Variants in GAS2L3 observed in about 807,000 individuals in gnomAD.
The protein encoded by GAS2L3 is growth arrest specific 2 like 3.
GAS2L3 carries 28 observed loss-of-function variants against 37.0 expected under a neutral mutation model. That is an observed-to-expected ratio of 0.76 (90% confidence interval 0.56 to 1.04). The LOEUF is 1.04. Ranked by LOEUF, GAS2L3 falls within the 50% of genes least tolerant of loss-of-function variation. The pLI, the probability that GAS2L3 is intolerant of heterozygous loss-of-function variation, is 0.00. For synonymous variants in GAS2L3, 290 were observed against 296.6 expected (o/e 0.98, Z 0.23); for missense variants, 793 against 817.6 (o/e 0.97, Z 0.37).
chr12:100,584,886 T>C (rs1416045601), intron 1 of GAS2L3, among the ~76,000 whole-genome samples: 1 of 63,254 alleles, frequency 1.6e-5, no homozygotes, highest in East Asian at 3.6e-4. Flanking sequence ...TTGAATGGTT[T>C]TTTTTTTTTT....
At position 100,608,941 on chromosome 12, in the gene GAS2L3, G is replaced by T. The variant is rs560926409; in HGVS notation, c.304-3059G>T. ...CTGGGCAGAGAAGCCTCTCCCTGTGGCTACTACCACCACTGGCCCATGTGG... is the reference window on the plus strand; with the variant it reads ...CTGGGCAGAGAAGCCTCTCCCTGTGTCTACTACCACCACTGGCCCATGTGG... On this transcript the variant is annotated intron_variant, in intron 5 of 9. Coordinates refer to ENST00000547754, the MANE Select transcript of GAS2L3 (RefSeq NM_174942.3). 9.2e-5 allele frequency among the ~76,000 whole-genome samples: 14 copies of T among 152,282 alleles called. No individual in the cohort carries two copies. In the South Asian group the frequency reaches 2.9e-3, roughly 32 times the overall value.
At chr12:100,618,274 A>G (rs78786395) in intron 7 of GAS2L3, among the ~76,000 whole-genome samples, 175 bp from the exon 8 acceptor site, 5,408 of 152,296 alleles carry the variant, frequency 0.036, 144 homozygotes, top group Middle Eastern at 0.051. Flanking sequence ...GAGGACTGTA[A>G]TATAGATATT....
chr12:100,617,894 A>C (rs1956207012), intron 7 of GAS2L3, 87 bp downstream of exon 7: 1 of 750,414 alleles, frequency 1.3e-6, no homozygotes, highest in African/African-American at 1.8e-5. Context: ...TTTTCTATAA[A>C]TAAAAAAATG....
rs958227287 is a variant in GAS2L3 at position 100,591,839 on chromosome 12, C to T, written c.-48C>T. The T allele has an allele frequency of 3.3e-5, 5 of 152,028 alleles. No homozygotes were observed. Among genetic ancestry groups the T allele is most frequent in the Admixed American group, 1.3e-4 (2 of 15,256 alleles). The allele number at this position is 152,028 out of a possible 1,614,324, so 9.4% of individuals were successfully genotyped here. Reference sequence around the variant, plus strand: ...AGATGTGTTCAATACCTTCTACTACCCCATTGCTGTCTTTATGGTGAGTTA... The same window carrying T: ...AGATGTGTTCAATACCTTCTACTACTCCATTGCTGTCTTTATGGTGAGTTA... On this transcript the variant is annotated 5_prime_UTR_variant, in exon 2 of 10. Transcript: ENST00000547754.
At chr12:100,602,064 C>T (rs918344656) in intron 5 of GAS2L3, among the ~76,000 whole-genome samples, 1 of 152,120 alleles carries the variant, frequency 6.6e-6, no homozygotes, top group Non-Finnish European at 1.5e-5. Context: ...TAGTGTCTAA[C>T]ATAGTGCTTG....
chr12:100,579,671 T>C, intron 1 of GAS2L3: 2 of 779,336 alleles, frequency 2.6e-6, no homozygotes, highest in Admixed American at 1.7e-5. Flanking sequence ...ATACCTCCCT[T>C]ACTGAAGCAT....
chr12:100,616,517 T>A (rs1409488892), intron 6 of GAS2L3, among the ~76,000 whole-genome samples: 1 of 151,944 alleles, frequency 6.6e-6, no homozygotes, highest in East Asian at 1.9e-4. Flanking sequence ...CTCACTGTAG[T>A]CTTGAACTCA....
At chr12:100,611,672 T>C (rs113080520) in intron 5 of GAS2L3, among the ~76,000 whole-genome samples, 128 of 152,038 alleles carry the variant, frequency 8.4e-4, no homozygotes, top group African/African-American at 2.9e-3. Flanking sequence ...CAGTTCACAA[T>C]AGGGTTCAAG....
In GAS2L3 at chr12:100,614,878, A is replaced by G. The variant is rs1023083131; in HGVS notation, c.445+2737A>G. On this transcript the variant is annotated intron_variant, in intron 6 of 9. Transcript: ENST00000547754. ...CCTTTTTATGGTAGACTAATATTCC[A>G]TCGTATAGATATGCCATATTTTTTT... Among the ~76,000 whole-genome samples, 6 of 152,326 alleles carry G rather than the reference A, an allele frequency of 3.9e-5. No homozygotes were observed. In the East Asian group the frequency reaches 1.2e-3, roughly 29 times the overall value.
At chr12:100,608,347 A>C (rs1956082537) in intron 5 of GAS2L3, among the ~76,000 whole-genome samples, 1 of 152,010 alleles carries the variant, frequency 6.6e-6, no homozygotes, top group Non-Finnish European at 1.5e-5. Flanking sequence ...GCAGCACAGC[A>C]CTGGGTCTCG....
intron 1 of GAS2L3, among the ~76,000 whole-genome samples, chr12:100,577,741 T>C (rs950360571): frequency 4.6e-5 from 7 of 152,212 alleles, no homozygotes; most frequent in African/African-American, 1.2e-4. Flanking sequence ...ATAATATTGC[T>C]ATATCCCTAA....
intron 1 of GAS2L3, chr12:100,578,886 G>T: frequency 3.8e-6 from 3 of 797,668 alleles, no homozygotes; most frequent in Non-Finnish European, 4.4e-6. Context: ...AATATGGGAG[G>T]TGTGGAAAGC....
chr12:100,588,898 C>T (rs1027399652), intron 1 of GAS2L3, among the ~76,000 whole-genome samples: 1 of 152,138 alleles, frequency 6.6e-6, no homozygotes, highest in African/African-American at 2.4e-5. Context: ...GGCAGTCAGA[C>T]CTTATGCTTG....
At chr12:100,621,661 T>G (rs547063698) in intron 8 of GAS2L3, among the ~76,000 whole-genome samples, 25 of 152,100 alleles carry the variant, frequency 1.6e-4, no homozygotes, top group Non-Finnish European at 3.2e-4. Flanking sequence ...TCCCCCAAAA[T>G]ATTAGTTTAG....
intron 8 of GAS2L3, 38 bp from the exon 9 acceptor site, chr12:100,622,237 T>C: frequency 8.8e-7 from 1 of 1,132,390 alleles, no homozygotes; most frequent in Non-Finnish European, 1.3e-6. Context: ...AAATGCTTTT[T>C]GTGACAAGCA....
Position 100,625,698 on chromosome 12 carries a change from T to C in GAS2L3, c.*808T>C, listed in dbSNP as rs1593195806. 1 of 152,190 alleles carries C rather than the reference T, an allele frequency of 6.6e-6. No homozygotes were observed. Among genetic ancestry groups the C allele is most frequent in the African/African-American group, 2.4e-5 (1 of 41,454 alleles). 9.4% of individuals were successfully genotyped at this position (152,190 alleles called of 1,614,324 possible). A position where few individuals can be genotyped will look rare whatever the true frequency, so the allele number is the denominator to read the frequency against. Reference sequence around the variant, plus strand: ...AGCTGATTTAGTAGCTTTTAGCATATTAAAAATAATTTTTTATAATGTAAT... The same window carrying C: ...AGCTGATTTAGTAGCTTTTAGCATACTAAAAATAATTTTTTATAATGTAAT... On this transcript the variant is annotated 3_prime_UTR_variant, in exon 10 of 10. Coordinates refer to ENST00000547754, the MANE Select transcript of GAS2L3 (RefSeq NM_174942.3).
At chr12:100,614,284 C>T (rs535661567) in intron 6 of GAS2L3, among the ~76,000 whole-genome samples, 30 of 151,854 alleles carry the variant, frequency 2.0e-4, no homozygotes, top group Admixed American at 6.6e-4. Flanking sequence ...GGCAACATGG[C>T]GAAACCCCGT....
At chr12:100,618,353 T>G in intron 7 of GAS2L3, 96 bp from the exon 8 acceptor site, 1 of 1,245,782 alleles carries the variant, frequency 8.0e-7, no homozygotes, top group Non-Finnish European at 1.1e-6. Flanking sequence ...AAGAGGATCA[T>G]ATAGACTTTA....
At chr12:100,616,199 G>C (rs1956185692) in intron 6 of GAS2L3, among the ~76,000 whole-genome samples, 1 of 152,082 alleles carries the variant, frequency 6.6e-6, no homozygotes, top group Admixed American at 6.6e-5. Context: ...TTACAATTCT[G>C]TGATTAGGTT....
Sources: allele counts gnomAD v4.1 joint callset (sites outside exome capture counted in the v4.1 genomes callset), GRCh38; gene constraint gnomAD v4.1.1; transcripts MANE v1.5; gene names NCBI Gene and HGNC (gene_info 2026-07-23, HGNC 2026-07-21).